The following DLC1 variants were observed in gnomAD, a reference collection of about 807,000 sequenced individuals.
DLC1 encodes rho GTPase-activating protein 7.
DLC1 carries 54 observed loss-of-function variants against 140.3 expected under a neutral mutation model. The ratio of observed to expected loss-of-function variants is 0.38; its 90% confidence interval spans 0.31 to 0.48. DLC1 has a LOEUF of 0.48. Ranked by LOEUF, DLC1 falls within the 20% of genes least tolerant of loss-of-function variation. The pLI is 0.96. For synonymous variants in DLC1, 986 were observed against 728.1 expected, an observed-to-expected ratio of 1.35 and a Z score of -5.70; for missense variants, 2,536 against 1,907.0, an observed-to-expected ratio of 1.33 and a Z score of -6.14.
intron 5 of DLC1, among the ~76,000 whole-genome samples, chr8:13,271,504 A>G (rs1830929360): frequency 2.6e-5 from 4 of 152,212 alleles, no homozygotes; most frequent in Admixed American, 2.6e-4. Flanking sequence ...CTATTTTGCA[A>G]AAGACATATG....
chr8:13,529,517 C>T (rs1008296633), intron 1 of DLC1, among the ~76,000 whole-genome samples: 1 of 152,146 alleles, frequency 6.6e-6, no homozygotes, highest in Non-Finnish European at 1.5e-5. Flanking sequence ...ATCCTCTTAA[C>T]ACTTAATTCG....
At position 13,141,491 on chromosome 8, in the gene DLC1, A is replaced by G. The variant is rs1185202080; in HGVS notation, c.1349-25834T>C. Among the ~76,000 whole-genome samples, 4 of 152,274 alleles carry G rather than the reference A, an allele frequency of 2.6e-5. No homozygotes were observed. In the East Asian group the frequency reaches 7.7e-4, roughly 29 times the overall value. ...TTTTCAGCCTTTCACCTTGTCAGTA[A>G]AAAAGAATGGACTCACTCATGAGTT... On this transcript the variant is annotated intron_variant, in intron 5 of 17. Transcript: ENST00000276297.
intron 5 of DLC1, among the ~76,000 whole-genome samples, chr8:13,128,822 G>C (rs866872786): frequency 4.1e-5 from 6 of 146,084 alleles, no homozygotes; most frequent in Admixed American, 2.7e-4. Flanking sequence ...GCGACAGAGA[G>C]AGACTCCGTC....
intron 2 of DLC1, 49 bp from the exon 3 acceptor site, chr8:13,401,668 T>C: frequency 6.3e-7 from 1 of 1,582,446 alleles, no homozygotes; most frequent in Non-Finnish European, 8.6e-7. Flanking sequence ...CATTTCTTAA[T>C]AAGAATAAAA....
chr8:13,487,577 C>CTTT (rs36124888), intron 2 of DLC1, among the ~76,000 whole-genome samples: 5 of 143,754 alleles, frequency 3.5e-5, no homozygotes, highest in African/African-American at 1.3e-4. Flanking sequence ...AAATGTTTTC[C>CTTT]TTTTTTTTTT....
intron 9 of DLC1, among the ~76,000 whole-genome samples, 174 bp from the exon 10 acceptor site, chr8:13,098,749 A>G (rs1818725022): frequency 6.6e-6 from 1 of 152,160 alleles, no homozygotes; most frequent in Middle Eastern, 3.2e-3. Context: ...CTGAGTAGCC[A>G]GGACTGTAGG....
At chr8:13,549,598 C>A (rs1321969447) in intron 1 of DLC1, among the ~76,000 whole-genome samples, 1 of 152,194 alleles carries the variant, frequency 6.6e-6, no homozygotes, top group East Asian at 1.9e-4. Flanking sequence ...AAAGCTGATA[C>A]ATTAAAGAGC....
intron 4 of DLC1, among the ~76,000 whole-genome samples, chr8:13,339,053 A>G (rs562151398): frequency 1.6e-4 from 25 of 152,366 alleles, no homozygotes; most frequent in African/African-American, 6.0e-4. Flanking sequence ...GGTAATTTCT[A>G]TGAATACGGG....
At chr8:13,505,976 A>C (rs959308600) in intron 1 of DLC1, among the ~76,000 whole-genome samples, 2 of 152,222 alleles carry the variant, frequency 1.3e-5, no homozygotes, top group Admixed American at 1.3e-4. Context: ...AGTACTTGGA[A>C]AGATGGCAAC....
chr8:13,363,530 T>C (rs949220153), intron 4 of DLC1, among the ~76,000 whole-genome samples: 7 of 152,128 alleles, frequency 4.6e-5, no homozygotes, highest in Non-Finnish European at 1.0e-4. Flanking sequence ...CCAAAAGTTA[T>C]TGTTCTGTCT....
At chr8:13,112,228 G>C (rs950698230) in intron 6 of DLC1, among the ~76,000 whole-genome samples, 2 of 152,222 alleles carry the variant, frequency 1.3e-5, no homozygotes, top group South Asian at 2.1e-4. Flanking sequence ...AGACATGGCT[G>C]TCAGCAGTTT....
rs535867725 is a variant in DLC1, at chr8:13,224,277, G to A, written c.1348+80992C>T. ...TATAAAAATAGCAATGATATTGGTT[G>A]TTTGAGACATGTAAGCTAAAGGGAG... On this transcript the variant is annotated intron_variant, in intron 5 of 17. Transcript: ENST00000276297. Among the ~76,000 whole-genome samples the A allele has an allele frequency of 7.9e-5, 12 of 152,342 alleles. No individual in the cohort carries two copies. The East Asian group carries it at 2.3e-3, about 29-fold the overall frequency.
intron 10 of DLC1, among the ~76,000 whole-genome samples, chr8:13,097,123 G>A (rs1239411582): frequency 6.6e-6 from 1 of 151,938 alleles, no homozygotes; most frequent in Non-Finnish European, 1.5e-5. Context: ...CTCTACATTT[G>A]AGTCTATAAT....
At chr8:13,403,988 T>G (rs1396639813) in intron 2 of DLC1, among the ~76,000 whole-genome samples, 1 of 152,062 alleles carries the variant, frequency 6.6e-6, no homozygotes, top group South Asian at 2.1e-4. Flanking sequence ...TACAATACTT[T>G]CCATCCAGTA....
intron 2 of DLC1, among the ~76,000 whole-genome samples, chr8:13,481,630 G>A (rs1800741200): frequency 6.6e-6 from 1 of 152,150 alleles, no homozygotes; most frequent in African/African-American, 2.4e-5. Flanking sequence ...AAAATTTACA[G>A]CCCCGTTGTA....
chr8:13,267,347 G>A (rs1300271876), intron 5 of DLC1, among the ~76,000 whole-genome samples: 1 of 149,764 alleles, frequency 6.7e-6, no homozygotes, highest in Non-Finnish European at 1.5e-5. Context: ...AGATGTTTAT[G>A]TTGGTGAGAA....
intron 5 of DLC1, among the ~76,000 whole-genome samples, chr8:13,251,843 T>G (rs1586007264): frequency 6.6e-6 from 1 of 152,332 alleles, no homozygotes; most frequent in East Asian, 1.9e-4. Flanking sequence ...ATATAAGCTA[T>G]AATAATTATT....
intron 5 of DLC1, among the ~76,000 whole-genome samples, chr8:13,141,575 G>A (rs76309089): frequency 0.037 from 5,664 of 152,194 alleles, 202 homozygotes; most frequent in African/African-American, 0.093. Flanking sequence ...CTTTCTTTCT[G>A]GTGGATTGGT....
At chr8:13,098,034 G>GGAAAAAA (rs1818656964) in intron 10 of DLC1, among the ~76,000 whole-genome samples, 1 of 68,418 alleles carries the variant, frequency 1.5e-5, no homozygotes, top group African/African-American at 5.9e-5. Context: ...AAGGAAAAAA[G>GGAAAAAA]AAAAAAAAAA....
Sources: allele counts gnomAD v4.1 joint callset (sites outside exome capture counted in the v4.1 genomes callset), GRCh38; gene constraint gnomAD v4.1.1; transcripts MANE v1.5; gene names NCBI Gene and HGNC (gene_info 2026-07-23, HGNC 2026-07-21).